The following MYOF variants were observed in gnomAD, a reference collection of about 807,000 sequenced individuals.
The protein encoded by MYOF is fer-1-like 3, myoferlin.
MYOF carries 244 observed loss-of-function variants against 284.2 expected under a neutral mutation model. The ratio of observed to expected loss-of-function variants is 0.86; its 90% CI spans 0.77 to 0.95. The LOEUF (loss-of-function observed/expected upper bound fraction) is 0.95, where lower values mean the gene tolerates loss of function less well. Ranked by LOEUF, MYOF falls within the 40% of genes least tolerant of loss-of-function variation. The pLI, the probability that MYOF is intolerant of heterozygous loss-of-function variation, is 0.00. For synonymous variants in MYOF, 904 were observed against 919.7 expected, an observed-to-expected ratio of 0.98 and a Z score of 0.31; for missense variants, 2,496 against 2,560.6, an observed-to-expected ratio of 0.97 and a Z score of 0.54.
intron 5 of MYOF, among the ~76,000 whole-genome samples, chr10:93,422,958 C>G (rs1848419050): frequency 6.6e-6 from 1 of 152,018 alleles, no homozygotes; most frequent in South Asian, 2.1e-4. Flanking sequence ...CAAGAGGACC[C>G]ATTTAATATT....
At chr10:93,442,078 G>A (rs2056283794) in intron 3 of MYOF, among the ~76,000 whole-genome samples, 1 of 149,670 alleles carries the variant, frequency 6.7e-6, no homozygotes. Flanking sequence ...CTGTGTAAGA[G>A]GATTTTAACA....
At chr10:93,383,960 C>T (rs926581437) in intron 19 of MYOF, among the ~76,000 whole-genome samples, 2 of 152,200 alleles carry the variant, frequency 1.3e-5, no homozygotes, top group Non-Finnish European at 2.9e-5. Flanking sequence ...TCACGCAGAG[C>T]TTGCAAAATG....
chr10:93,441,377 A>G (rs1229259974), intron 3 of MYOF, among the ~76,000 whole-genome samples: 3 of 151,858 alleles, frequency 2.0e-5, no homozygotes, highest in African/African-American at 4.8e-5. Flanking sequence ...CAAGCTAGGG[A>G]GTTAGTACAT....
chr10:93,467,688 G>A lies in MYOF; in HGVS notation c.89-10751C>T, dbSNP rs1034569428. ...ACACATGCACACGTATGTTTATTGC[G>A]GCACTATTCACAATGGCAAAGACTT... is the stretch of plus-strand genomic sequence containing the variant. On this transcript the variant is annotated intron_variant, in intron 1 of 53. Transcript: ENST00000359263. 7.2e-5 allele frequency among the ~76,000 whole-genome samples: 11 copies of A among 152,062 alleles called. No homozygotes were observed. The East Asian group carries it at 1.4e-3, about 19-fold the overall frequency.
At chr10:93,397,114 C>A in intron 15 of MYOF, 133 bp downstream of exon 15, 1 of 673,972 alleles carries the variant, frequency 1.5e-6, no homozygotes. Context: ...AAGAAACGCC[C>A]AGTTCCAGGA....
chr10:93,332,597 G>A (rs1262410444), intron 43 of MYOF, among the ~76,000 whole-genome samples: 1 of 151,170 alleles, frequency 6.6e-6, no homozygotes, highest in Non-Finnish European at 1.5e-5. Context: ...TGTAATCCCA[G>A]CACTTTGGGA....
At chr10:93,353,630 C>A (rs911452141) in intron 32 of MYOF, among the ~76,000 whole-genome samples, 181 bp downstream of exon 32, 3 of 152,042 alleles carry the variant, frequency 2.0e-5, no homozygotes, top group African/African-American at 7.2e-5. Context: ...AGCAATGGTG[C>A]CTAAAGCATT....
At position 93,378,693 on chromosome 10, in the gene MYOF, G is replaced by GTGTGTGTATATATATATATATA; in HGVS notation, c.2001+1169_2001+1170insTATATATATATATATACACACA. On this transcript the variant is annotated intron_variant, in intron 21 of 53. Coordinates refer to ENST00000359263, the MANE Select transcript of MYOF (RefSeq NM_013451.4). ...TATGTGTGTGTGTATGTGTGTGTGTGTATATATATATATATATATATATGT... is the reference window on the plus strand; with the variant it reads ...TATGTGTGTGTGTATGTGTGTGTGTGTGTGTGTATATATATATATATATATATATATATATATATATATATGT... Among the ~76,000 whole-genome samples, 181 of 87,846 alleles carry GTGTGTGTATATATATATATATA rather than the reference G, an allele frequency of 2.1e-3. 4 individuals are homozygous for GTGTGTGTATATATATATATATA. The highest frequency in any genetic ancestry group is 0.018 in the East Asian group (22 of 1,222). 57.6% of individuals were successfully genotyped at this position (87,846 alleles called of 152,430 possible).
At chr10:93,370,179 A>G (rs1332739627) in intron 24 of MYOF, among the ~76,000 whole-genome samples, 1 of 152,202 alleles carries the variant, frequency 6.6e-6, no homozygotes, top group Non-Finnish European at 1.5e-5. Context: ...AGTAACAGTA[A>G]AAGTAATAGT....
chr10:93,404,641 CAAA>C (rs34398757), intron 7 of MYOF, among the ~76,000 whole-genome samples: 6 of 60,914 alleles, frequency 9.8e-5, no homozygotes, highest in Admixed American at 1.8e-4. Flanking sequence ...GAGGCCATCT[CAAA>C]AAAAAAAAAA....
At chr10:93,380,279 C>A (rs1045419036) in intron 20 of MYOF, among the ~76,000 whole-genome samples, 1 of 152,124 alleles carries the variant, frequency 6.6e-6, no homozygotes, top group African/African-American at 2.4e-5. Flanking sequence ...GGTTTCTTAA[C>A]GTGGTAGTAG....
Position 93,482,204 on chromosome 10 carries a change from C to A in MYOF, c.-10G>T, listed in dbSNP as rs377235832. ...CAATCACTCGCAGCATGGTTCTTAG[C>A]TGGTAGAAAGCAAGTTTCAGCAAAC... On this transcript the variant is annotated 5_prime_UTR_variant, in exon 1 of 54. Transcript: ENST00000359263. 3.1e-6 allele frequency: 5 copies of A among 1,610,380 alleles called. No homozygotes were observed. The highest frequency in any genetic ancestry group is 4.2e-6 in the Non-Finnish European group (5 of 1,178,698).
At chr10:93,357,349 A>G (rs1844854776) in intron 29 of MYOF, among the ~76,000 whole-genome samples, 1 of 152,240 alleles carries the variant, frequency 6.6e-6, no homozygotes, top group African/African-American at 2.4e-5. Flanking sequence ...TTCTGTAATA[A>G]CTAATAACAA....
intron 35 of MYOF, 21 bp downstream of exon 35, chr10:93,351,176 A>G: frequency 6.2e-7 from 1 of 1,608,098 alleles, no homozygotes; most frequent in Non-Finnish European, 8.5e-7. Context: ...TTTGATGAGT[A>G]ACACGTGGGG....
At chr10:93,427,956 A>C (rs1272675668) in intron 4 of MYOF, among the ~76,000 whole-genome samples, 1 of 152,096 alleles carries the variant, frequency 6.6e-6, no homozygotes, top group Non-Finnish European at 1.5e-5. Flanking sequence ...TTTGCCAAAC[A>C]CCTGCCCACA....
chr10:93,452,227 T>C, intron 2 of MYOF, 86 bp from the exon 3 acceptor site: 1 of 813,354 alleles, frequency 1.2e-6, no homozygotes, highest in Non-Finnish European at 2.1e-6. Context: ...CAGTACTACA[T>C]GTTGGGTCAT....
At chr10:93,323,548 C>T in intron 46 of MYOF, 190 bp from the exon 47 acceptor site, 1 of 578,076 alleles carries the variant, frequency 1.7e-6, no homozygotes, top group Non-Finnish European at 3.0e-6. Flanking sequence ...TCATTTAGGC[C>T]ACCCACTTTC....
chr10:93,432,222 T>C (rs900862824), intron 3 of MYOF, among the ~76,000 whole-genome samples: 36 of 151,900 alleles, frequency 2.4e-4, no homozygotes, highest in African/African-American at 8.5e-4. Context: ...ACCCCATCTC[T>C]ACAAAAAGTT....
intron 29 of MYOF, 45 bp from the exon 30 acceptor site, chr10:93,356,893 A>C (rs1289455792): frequency 1.1e-5 from 17 of 1,545,688 alleles, no homozygotes; most frequent in Non-Finnish European, 1.4e-5. Context: ...GATGATGATG[A>C]TATTCCTTAT....
Sources: gnomAD v4.1 joint callset for allele counts (sites outside exome capture counted in the v4.1 genomes callset) on GRCh38, gnomAD v4.1.1 for gene constraint, MANE v1.5 for transcripts, NCBI Gene and HGNC (gene_info 2026-07-23, HGNC 2026-07-21) for gene names.